Variants in PRKCB observed in about 807,000 individuals in gnomAD.
PRKCB encodes the protein protein kinase C beta type.
PRKCB carries 13 observed loss-of-function variants against 81.5 expected under a neutral mutation model. The observed-to-expected ratio is 0.16, with a 90% CI of 0.10 to 0.25. The LOEUF is 0.25. Ranked by LOEUF, PRKCB falls within the 10% of genes least tolerant of loss-of-function variation. PRKCB has a pLI of 1.00. For synonymous variants in PRKCB, 335 were observed against 321.4 expected, an observed-to-expected ratio of 1.04 and a Z score of -0.45; for missense variants, 509 against 875.7, an observed-to-expected ratio of 0.58 and a Z score of 5.29.
chr16:23,852,744 G>A (rs1013564674), intron 2 of PRKCB, among the ~76,000 whole-genome samples: 25 of 152,160 alleles, frequency 1.6e-4, no homozygotes, highest in African/African-American at 4.8e-5. Flanking sequence ...CCTATCAACC[G>A]TATCCTTCAG....
rs1967610875 is a variant in PRKCB at position 24,180,926 on chromosome 16, G to A, written c.1531G>A (p.Glu511Lys). The stretch of plus-strand genomic sequence containing the variant: ...TGGCACTCCAGACTACATCGCCCCC[G>A]AGGTGAGAGCTGCTGGGCACACGTT... ...FCGTPDYIAP[E>K]IIAYQPYGKS... Residue 511 changes from glutamate to lysine, a missense_variant and splice_region_variant, in exon 13 of 17, where the codon GAG (glutamate) becomes AAG (lysine). By Grantham distance (56) the Glu-to-Lys change is moderately conservative. Transcript: ENST00000643927. The A allele has an allele frequency of 6.2e-7, 1 of 1,613,928 alleles. No homozygotes were observed. Among genetic ancestry groups the A allele is most frequent in the Non-Finnish European group, 8.5e-7 (1 of 1,179,896 alleles).
intron 16 of PRKCB, among the ~76,000 whole-genome samples, chr16:24,194,124 C>T (rs574179405): frequency 2.0e-5 from 3 of 152,044 alleles, no homozygotes; most frequent in East Asian, 1.9e-4. Context: ...GTCAGGAGTT[C>T]GAGACCAGCC....
At chr16:23,907,747 C>G (rs1963582845) in intron 2 of PRKCB, among the ~76,000 whole-genome samples, 1 of 152,068 alleles carries the variant, frequency 6.6e-6, no homozygotes, top group Non-Finnish European at 1.5e-5. Context: ...TGGAACCATA[C>G]CGGTCGACTC....
At chr16:23,946,670 C>T (rs1304497884) in intron 2 of PRKCB, among the ~76,000 whole-genome samples, 1 of 151,934 alleles carries the variant, frequency 6.6e-6, no homozygotes, top group African/African-American at 2.4e-5. Context: ...CCAGAACTGA[C>T]TAGTATAGGC....
intron 9 of PRKCB, among the ~76,000 whole-genome samples, chr16:24,134,767 C>A (rs1966859528): frequency 7.3e-6 from 1 of 137,310 alleles, no homozygotes; most frequent in South Asian, 2.5e-4. Flanking sequence ...AAAAAAAAAG[C>A]CAGACACACT....
intron 9 of PRKCB, among the ~76,000 whole-genome samples, chr16:24,138,262 G>A (rs1296071817): frequency 6.6e-6 from 1 of 152,174 alleles, no homozygotes; most frequent in African/African-American, 2.4e-5. Flanking sequence ...TCTATTAGCA[G>A]TGCTCTGTAA....
chr16:23,912,778 G>T (rs926857670), intron 2 of PRKCB, among the ~76,000 whole-genome samples: 2 of 151,288 alleles, frequency 1.3e-5, no homozygotes, highest in Non-Finnish European at 2.9e-5. Context: ...CTCCCAAAGG[G>T]CTGGGATTAC....
intron 2 of PRKCB, among the ~76,000 whole-genome samples, chr16:23,983,565 A>G (rs1964765576): frequency 6.6e-6 from 1 of 152,118 alleles, no homozygotes; most frequent in Admixed American, 6.5e-5. Flanking sequence ...TCTATGACTG[A>G]TGATATTCAT....
intron 2 of PRKCB, among the ~76,000 whole-genome samples, chr16:23,899,930 T>C (rs1052405141): frequency 3.3e-5 from 5 of 152,068 alleles, no homozygotes; most frequent in African/African-American, 9.7e-5. Flanking sequence ...CAAGTGATCC[T>C]CCTGTCTCAG....
chr16:23,836,275 G>A lies in PRKCB; in HGVS notation c.100G>A (p.Val34Ile). Reference protein sequence around the residue: ...GALRQKNVHEVKNHKFTARFF... With the variant: ...GALRQKNVHEIKNHKFTARFF... ...CCTCCGGCAGAAGAACGTGCATGAG[G>A]TCAAGAACCACAAATTCACCGCCCG... Residue 34 changes from valine to isoleucine, a missense_variant, in exon 1 of 17, where the codon GTC becomes ATC. Physicochemically the swap from Val to Ile is conservative, Grantham distance 29. Coordinates refer to ENST00000643927, the MANE Select transcript of PRKCB (RefSeq NM_002738.7). 2 of 1,605,626 alleles carry A rather than the reference G, an allele frequency of 1.2e-6. No homozygotes were observed. Among genetic ancestry groups the A allele is most frequent in the Middle Eastern group, 1.7e-4 (1 of 5,850 alleles).
chr16:23,855,214 T>C (rs1307425465), intron 2 of PRKCB, among the ~76,000 whole-genome samples: 1 of 152,010 alleles, frequency 6.6e-6, no homozygotes, highest in African/African-American at 2.4e-5. Flanking sequence ...CAACACAGTG[T>C]GGTCAGTGTG....
chr16:24,188,907 C>G (rs530183131), intron 15 of PRKCB, among the ~76,000 whole-genome samples: 41 of 152,126 alleles, frequency 2.7e-4, no homozygotes, highest in Non-Finnish European at 5.3e-4. Context: ...GGGTAATGGC[C>G]GGGAAGCCTT....
At chr16:24,061,567 C>G (rs1270125841) in intron 5 of PRKCB, among the ~76,000 whole-genome samples, 1 of 152,186 alleles carries the variant, frequency 6.6e-6, no homozygotes, top group South Asian at 2.1e-4. Context: ...GTTCCATCAG[C>G]AAACAGTGGT....
chr16:24,214,215 G>A (rs1968188802), intron 16 of PRKCB, among the ~76,000 whole-genome samples: 1 of 152,122 alleles, frequency 6.6e-6, no homozygotes. Flanking sequence ...ATAAATACTG[G>A]GATCTCCCAG....
intron 5 of PRKCB, among the ~76,000 whole-genome samples, chr16:24,075,011 C>G (rs1382445162): frequency 6.6e-6 from 1 of 151,046 alleles, no homozygotes; most frequent in African/African-American, 2.4e-5. Context: ...CCCAGCTACT[C>G]GGGAGGCTGA....
intron 11 of PRKCB, 67 bp downstream of exon 11, chr16:24,172,428 G>T (rs544229198): frequency 1.4e-6 from 2 of 1,403,564 alleles, no homozygotes; most frequent in South Asian, 1.2e-5. Flanking sequence ...TCCTTTGAGG[G>T]TGTTTTTTTG....
intron 2 of PRKCB, among the ~76,000 whole-genome samples, chr16:23,938,333 C>G (rs900882353): frequency 6.6e-6 from 1 of 152,160 alleles, no homozygotes; most frequent in African/African-American, 2.4e-5. Context: ...AAAGGCACTG[C>G]AAATCTACCA....
At chr16:23,999,282 C>T (rs1276773569) in intron 3 of PRKCB, among the ~76,000 whole-genome samples, 1 of 152,218 alleles carries the variant, frequency 6.6e-6, no homozygotes. Context: ...TGACCTTGGA[C>T]AAGGCTCCAT....
chr16:24,132,807 G>T (rs1183181204), intron 9 of PRKCB, among the ~76,000 whole-genome samples: 14 of 147,602 alleles, frequency 9.5e-5, no homozygotes, highest in African/African-American at 2.0e-4. Context: ...TAGAGACAGG[G>T]TCTCACTCTG....
Sources: allele counts gnomAD v4.1 joint callset (sites outside exome capture counted in the v4.1 genomes callset), GRCh38; gene constraint gnomAD v4.1.1; transcripts MANE v1.5; gene names NCBI Gene and HGNC (gene_info 2026-07-23, HGNC 2026-07-21).